PBX3: variants seen among roughly 807,000 people sequenced by gnomAD.
PBX3 encodes the protein pre-B-cell leukemia transcription factor 3.
In PBX3, 14 loss-of-function variants were observed where a neutral mutation model predicts 48.5. The ratio of observed to expected loss-of-function variants is 0.29; its 90% CI spans 0.19 to 0.45. PBX3 has a LOEUF of 0.45. PBX3 is among the 20% of genes least tolerant of loss of function. The pLI, the probability that PBX3 is intolerant of heterozygous loss-of-function variation, is 1.00. For missense variants in PBX3, 386 were observed against 546.7 expected, an observed-to-expected ratio of 0.71 and a Z score of 2.93; for synonymous variants, 210 against 200.3, an observed-to-expected ratio of 1.05 and a Z score of -0.41.
intron 2 of PBX3, among the ~76,000 whole-genome samples, chr9:125,898,603 C>T (rs1840831957): frequency 1.3e-5 from 2 of 151,704 alleles, no homozygotes; most frequent in South Asian, 4.1e-4. Flanking sequence ...TCAGCCCTCT[C>T]ATTTGATAGA....
At chr9:125,834,218 A>T (rs1259792569) in intron 2 of PBX3, among the ~76,000 whole-genome samples, 1 of 152,178 alleles carries the variant, frequency 6.6e-6, no homozygotes, top group Admixed American at 6.5e-5. Context: ...GACTTTAGAA[A>T]AAGTAGTTTG....
Position 125,915,824 on chromosome 9 carries a change from C to G in PBX3, c.413C>G (p.Ala138Gly). ...GSAAAAAAAAASGGSSDNSIE... is the reference protein window; with the variant it reads ...GSAAAAAAAAGSGGSSDNSIE... ...GCGGCAGCAGCTGCAGCCGCGGCAG[C>G]CTCTGGAGGTTCTTCAGATAACTCT... The change falls in exon 3 of 9, where the codon GCC (alanine) becomes GGC (glycine). Residue 138 changes from alanine to glycine, a missense_variant. This residue lies in a region of PBX3 where 69 missense variants were observed against 99.1 expected (regional missense o/e 0.70). Coordinates refer to ENST00000373489, the MANE Select transcript of PBX3 (RefSeq NM_006195.6). 1 of 1,614,066 alleles carries G rather than the reference C, an allele frequency of 6.2e-7. No homozygotes were observed.
intron 2 of PBX3, among the ~76,000 whole-genome samples, chr9:125,913,824 C>A (rs1350595409): frequency 6.6e-6 from 1 of 152,008 alleles, no homozygotes; most frequent in African/African-American, 2.4e-5. Context: ...TCAACAAACA[C>A]ACAAAACTGT....
At chr9:125,835,344 C>T (rs1839101271) in intron 2 of PBX3, among the ~76,000 whole-genome samples, 2 of 152,044 alleles carry the variant, frequency 1.3e-5, no homozygotes, top group South Asian at 4.2e-4. Context: ...AAGTGAGTGG[C>T]AGAGCTGGGA....
chr9:125,768,646 C>G (rs1240224523), intron 2 of PBX3, among the ~76,000 whole-genome samples: 1 of 152,144 alleles, frequency 6.6e-6, no homozygotes, highest in Non-Finnish European at 1.5e-5. Flanking sequence ...TGGAAGACAA[C>G]TGGATTCTCA....
chr9:125,835,015 C>CAAAAAAAAAAAAA (rs745638368), intron 2 of PBX3, among the ~76,000 whole-genome samples: 1 of 25,170 alleles, frequency 4.0e-5, no homozygotes, highest in Non-Finnish European at 7.1e-5. Context: ...AACTCTGTCT[C>CAAAAAAAAAAAAA]AAAAAAAAAA....
At chr9:125,934,969 T>C (rs1240930912) in intron 4 of PBX3, among the ~76,000 whole-genome samples, 1 of 152,184 alleles carries the variant, frequency 6.6e-6, no homozygotes, top group African/African-American at 2.4e-5. Flanking sequence ...TTTAATAGTT[T>C]CCTATTGCAC....
chr9:125,912,423 C>G (rs1476876469), intron 2 of PBX3, among the ~76,000 whole-genome samples: 1 of 152,072 alleles, frequency 6.6e-6, no homozygotes, highest in African/African-American at 2.4e-5. Flanking sequence ...CAAATGCAGT[C>G]GTCTATGCAG....
At chr9:125,863,891 CA>C (rs2132297774) in intron 2 of PBX3, among the ~76,000 whole-genome samples, 1 of 152,084 alleles carries the variant, frequency 6.6e-6, no homozygotes, top group South Asian at 2.1e-4. Flanking sequence ...CTTTTAGTTC[CA>C]AAGTGGGTGT....
chr9:125,960,918 C>T (rs900170543), intron 6 of PBX3, 69 bp downstream of exon 6: 1 of 1,493,884 alleles, frequency 6.7e-7, no homozygotes, highest in South Asian at 1.2e-5. Context: ...GTCCCACAGG[C>T]CAGGAAACAA....
At chr9:125,955,283 C>A (rs1028797611) in intron 5 of PBX3, among the ~76,000 whole-genome samples, 11 of 152,150 alleles carry the variant, frequency 7.2e-5, no homozygotes, top group African/African-American at 2.7e-4. Flanking sequence ...CTCCCGCTTC[C>A]TCTTCCTCAG....
chr9:125,955,139 G>T (rs1842275718), intron 5 of PBX3, among the ~76,000 whole-genome samples: 1 of 152,010 alleles, frequency 6.6e-6, no homozygotes. Flanking sequence ...TGGGAGGGCA[G>T]CCTCACTGGA....
chr9:125,856,273 C>T (rs1839719281), intron 2 of PBX3, among the ~76,000 whole-genome samples: 1 of 152,092 alleles, frequency 6.6e-6, no homozygotes, highest in Non-Finnish European at 1.5e-5. Flanking sequence ...GTAAAATACT[C>T]TGTATAGAGC....
chr9:125,787,261 G>T (rs897183567), intron 2 of PBX3, among the ~76,000 whole-genome samples: 3 of 152,016 alleles, frequency 2.0e-5, no homozygotes, highest in Non-Finnish European at 2.9e-5. Flanking sequence ...GGCTGATGTA[G>T]AGAAGTTTAT....
chr9:125,851,045 A>G (rs1455310973), intron 2 of PBX3, among the ~76,000 whole-genome samples: 1 of 152,120 alleles, frequency 6.6e-6, no homozygotes, highest in East Asian at 1.9e-4. Context: ...TAATGAAGGA[A>G]GATACTGTAA....
At chr9:125,841,707 T>A (rs947809601) in intron 2 of PBX3, among the ~76,000 whole-genome samples, 21 of 152,166 alleles carry the variant, frequency 1.4e-4, no homozygotes, top group Non-Finnish European at 3.1e-4. Flanking sequence ...TTGTTCAGAA[T>A]GCTGTTGAAT....
In PBX3 at chr9:125,893,219, T is replaced by A. The variant is rs1279739338; in HGVS notation, c.275-22467T>A. On this transcript the variant is annotated intron_variant, in intron 2 of 8. Coordinates refer to ENST00000373489, the MANE Select transcript of PBX3 (RefSeq NM_006195.6). ...AATAGTGAGAAGCAAAGAACATTTA[T>A]GCTTTCCCTTTCATAGGGAATGATG... is the stretch of plus-strand genomic sequence containing the variant. Among the ~76,000 whole-genome samples the A allele has an allele frequency of 2.0e-5, 3 of 152,242 alleles. No individual in the cohort carries two copies. The South Asian group carries it at 6.2e-4, about 31-fold the overall frequency.
intron 2 of PBX3, 165 bp downstream of exon 2, chr9:125,748,788 G>A: frequency 1.8e-6 from 1 of 545,028 alleles, no homozygotes; most frequent in Non-Finnish European, 3.3e-6. Flanking sequence ...TAAATCTGGA[G>A]TCAATTTCTC....
chr9:125,795,574 A>G (rs774454888), intron 2 of PBX3, among the ~76,000 whole-genome samples: 4 of 152,164 alleles, frequency 2.6e-5, no homozygotes, highest in Non-Finnish European at 5.9e-5. Flanking sequence ...GTAAACTGTA[A>G]TGATTCCAAT....
Sources: allele counts gnomAD v4.1 joint callset (sites outside exome capture counted in the v4.1 genomes callset), GRCh38; gene constraint gnomAD v4.1.1; regional missense constraint gnomAD v4.1.1; transcripts MANE v1.5; gene names NCBI Gene and HGNC (gene_info 2026-07-23, HGNC 2026-07-21).